The following SPTLC2 variants were observed in gnomAD, a reference collection of about 807,000 sequenced individuals.
SPTLC2 encodes the protein serine palmitoyltransferase 2.
In SPTLC2, 21 loss-of-function variants were observed where a neutral mutation model predicts 62.0. The ratio of observed to expected loss-of-function variants is 0.34; its 90% CI spans 0.24 to 0.49. SPTLC2 has a LOEUF of 0.49. Ranked by LOEUF, SPTLC2 falls within the 20% of genes least tolerant of loss-of-function variation. SPTLC2 has a pLI of 0.99. For missense variants in SPTLC2, 511 were observed against 713.0 expected (o/e 0.72, Z 3.23); for synonymous variants, 261 against 261.8 (o/e 1.00, Z 0.03).
At chr14:77,605,180 A>ATT (rs111975578) in intron 1 of SPTLC2, among the ~76,000 whole-genome samples, 9 of 143,000 alleles carry the variant, frequency 6.3e-5, no homozygotes, top group African/African-American at 2.0e-4. Context: ...TACCTGGTTA[A>ATT]TTTTTTTTTT....
At chr14:77,542,460 CT>C (rs1289114709) in intron 9 of SPTLC2, among the ~76,000 whole-genome samples, 1 of 152,122 alleles carries the variant, frequency 6.6e-6, no homozygotes, top group Non-Finnish European at 1.5e-5. Context: ...AGAGAACAGT[CT>C]TGTAAAAGGG....
intron 6 of SPTLC2, among the ~76,000 whole-genome samples, chr14:77,558,225 T>C (rs777843178): frequency 1.3e-5 from 2 of 152,106 alleles, no homozygotes; most frequent in Non-Finnish European, 2.9e-5. Context: ...TTTTGTACTT[T>C]TGTAGAGACG....
intron 1 of SPTLC2, among the ~76,000 whole-genome samples, chr14:77,599,917 C>T (rs2079868196): frequency 6.6e-6 from 1 of 152,108 alleles, no homozygotes; most frequent in Non-Finnish European, 1.5e-5. Context: ...AATATTTTGC[C>T]TTAAGAACTC....
chr14:77,528,825 T>C (rs2079421831), intron 9 of SPTLC2, among the ~76,000 whole-genome samples: 1 of 152,116 alleles, frequency 6.6e-6, no homozygotes. Flanking sequence ...TCAAAGGTCT[T>C]ATTTTTGTTA....
chr14:77,602,599 G>C (rs1452164778), intron 1 of SPTLC2, among the ~76,000 whole-genome samples: 1 of 151,354 alleles, frequency 6.6e-6, no homozygotes, highest in Non-Finnish European at 1.5e-5. Context: ...ACCCAGGATG[G>C]AGTGCAGTGG....
At chr14:77,608,671 G>A (rs2079918072) in intron 1 of SPTLC2, among the ~76,000 whole-genome samples, 1 of 151,994 alleles carries the variant, frequency 6.6e-6, no homozygotes, top group Non-Finnish European at 1.5e-5. Flanking sequence ...TTTTAAACAG[G>A]GTGGAGGTAA....
chr14:77,521,316 G>A (rs953079924), intron 10 of SPTLC2, 130 bp downstream of exon 10: 40 of 1,115,362 alleles, frequency 3.6e-5, no homozygotes, highest in Admixed American at 5.2e-5. Context: ...TTGATCTATG[G>A]CATATGTACC....
At chr14:77,613,799 A>T (rs545670828) in intron 1 of SPTLC2, among the ~76,000 whole-genome samples, 1 of 152,238 alleles carries the variant, frequency 6.6e-6, no homozygotes, top group Non-Finnish European at 1.5e-5. Context: ...CCCCAGAAAG[A>T]GGGGAAAGAT....
chr14:77,521,761 G>T, intron 9 of SPTLC2, 180 bp from the exon 10 acceptor site: 1 of 657,990 alleles, frequency 1.5e-6, no homozygotes, highest in Non-Finnish European at 2.7e-6. Context: ...GTCTCATTTT[G>T]TATTCTGTCA....
At chr14:77,559,833 G>C (rs1245149516) in intron 6 of SPTLC2, among the ~76,000 whole-genome samples, 1 of 152,110 alleles carries the variant, frequency 6.6e-6, no homozygotes, top group Non-Finnish European at 1.5e-5. Context: ...CAAGGCTGTG[G>C]TGAGTTGTGG....
chr14:77,573,116 C>T (rs2079693098), intron 4 of SPTLC2, among the ~76,000 whole-genome samples: 2 of 152,132 alleles, frequency 1.3e-5, no homozygotes, highest in Non-Finnish European at 2.9e-5. Flanking sequence ...TTTAACATGC[C>T]TTCCTCACTA....
At chr14:77,542,054 C>G (rs1336573149) in intron 9 of SPTLC2, among the ~76,000 whole-genome samples, 1 of 138,654 alleles carries the variant, frequency 7.2e-6, no homozygotes, top group Non-Finnish European at 1.5e-5. Context: ...GAGACAGACT[C>G]TGTGTCCGGA....
At chr14:77,606,128 G>C (rs1399036083) in intron 1 of SPTLC2, among the ~76,000 whole-genome samples, 1 of 152,096 alleles carries the variant, frequency 6.6e-6, no homozygotes, top group Non-Finnish European at 1.5e-5. Flanking sequence ...TCAGGACTTC[G>C]AGACCAGCCT....
rs1264099567 is a variant in SPTLC2 at position 77,521,526 on chromosome 14, C to T, written c.1359G>A (p.Leu453=). 2 of 1,614,024 alleles carry T rather than the reference C, an allele frequency of 1.2e-6. No individual in the cohort carries two copies. Among genetic ancestry groups the T allele is most frequent in the Non-Finnish European group, 1.7e-6 (2 of 1,179,998 alleles). ...CATAGATGATGAAGCCCATCTCTTT[C>T]AGGCGTCTCCTGAAATACCTGGTGT... is the stretch of plus-strand genomic sequence containing the variant. ...AENTRYFRRR[L]KEMGFIIYGN... is the part of the protein sequence containing the mutation. The change falls in exon 10 of 12, where the codon CTG becomes CTA. Residue 453 remains leucine (L), a synonymous_variant. Coordinates refer to ENST00000216484, the MANE Select transcript of SPTLC2 (RefSeq NM_004863.4).
chr14:77,595,272 T>C (rs1366681413), intron 2 of SPTLC2, among the ~76,000 whole-genome samples: 5 of 151,830 alleles, frequency 3.3e-5, no homozygotes, highest in Non-Finnish European at 5.9e-5. Context: ...AGCTGAGGCA[T>C]GAGAATTGCT....
chr14:77,509,966 G>C lies in SPTLC2; in HGVS notation c.*2318C>G, dbSNP rs1191406669. ...CAAGCCAAAATAAAAAGACTAGCAG[G>C]TAAGTTCATTGCTTATAAGTTTGTG... On this transcript the variant is annotated 3_prime_UTR_variant, in exon 12 of 12. Transcript: ENST00000216484. 5 of 398,344 alleles carry C rather than the reference G, an allele frequency of 1.3e-5. No homozygotes were observed. The Admixed American group carries it at 1.3e-4, about 11-fold the overall frequency. 24.7% of individuals were successfully genotyped at this position (398,344 alleles called of 1,614,324 possible). A position where few individuals can be genotyped will look rare whatever the true frequency, so the allele number is the denominator to read the frequency against.
At chr14:77,595,222 G>A (rs866810470) in intron 2 of SPTLC2, among the ~76,000 whole-genome samples, 23 of 152,064 alleles carry the variant, frequency 1.5e-4, no homozygotes, top group Middle Eastern at 3.4e-3. Flanking sequence ...AAATTATCTC[G>A]GGAGTGGTAG....
chr14:77,566,172 CTTTTTAGACAGCCT>C (rs149207906), intron 5 of SPTLC2, among the ~76,000 whole-genome samples: 25,134 of 151,992 alleles, frequency 0.17, 2,136 homozygotes, highest in Admixed American at 0.22. Context: ...AAAAGGAACT[CTTTTTAGACAGCCT>C]TTTTTAGACA....
intron 9 of SPTLC2, among the ~76,000 whole-genome samples, chr14:77,544,372 G>A (rs2079517540): frequency 1.3e-5 from 2 of 152,148 alleles, no homozygotes; most frequent in South Asian, 2.1e-4. Flanking sequence ...GACTCAGTAG[G>A]GTGGGTGGAA....
Sources: allele counts gnomAD v4.1 joint callset (sites outside exome capture counted in the v4.1 genomes callset), GRCh38; gene constraint gnomAD v4.1.1; transcripts MANE v1.5; gene names NCBI Gene and HGNC (gene_info 2026-07-23, HGNC 2026-07-21).